Variants in SHROOM4 observed in about 807,000 individuals in gnomAD.
SHROOM4 encodes shroom family member 4.
In SHROOM4, 17 loss-of-function variants were observed where a neutral mutation model predicts 80.3. The observed-to-expected ratio is 0.21, with a 90% CI of 0.14 to 0.32. The LOEUF (loss-of-function observed/expected upper bound fraction) is 0.32, where lower values mean the gene tolerates loss of function less well. Among genes scored for constraint, SHROOM4 ranks in the 10% least tolerant of loss-of-function variants. SHROOM4 has a pLI of 1.00. For missense variants in SHROOM4, 993 were observed against 1,140.3 expected, an observed-to-expected ratio of 0.87 and a Z score of 1.86; for synonymous variants, 400 against 437.5, an observed-to-expected ratio of 0.91 and a Z score of 1.07.
rs138450087 is a variant in SHROOM4 at position 50,741,227 on chromosome X, T to C, written c.118-45290A>G. ...CCGGCTCTCACTTATATGTGGAATCTAAAAACTTGAATTCATAGAAATAGA... is the reference window on the plus strand; with the variant it reads ...CCGGCTCTCACTTATATGTGGAATCCAAAAACTTGAATTCATAGAAATAGA... On this transcript the variant is annotated intron_variant, in intron 1 of 8. Coordinates refer to ENST00000376020, the MANE Select transcript of SHROOM4 (RefSeq NM_020717.5). Among the ~76,000 whole-genome samples the C allele has an allele frequency of 6.1e-3, 670 of 110,662 alleles. 4 individuals carry two copies. Among genetic ancestry groups the C allele is most frequent in the African/African-American group, 0.021 (632 of 30,494 alleles).
intron 1 of SHROOM4, among the ~76,000 whole-genome samples, chrX:50,789,879 A>C (rs1935820637): frequency 8.9e-6 from 1 of 112,208 alleles, no homozygotes; most frequent in African/African-American, 3.2e-5. Context: ...ATGTGTCATA[A>C]GGTGATTTCA....
Position 50,674,600 on chromosome X carries a change from T to A in SHROOM4, c.269+21186A>T, listed in dbSNP as rs181780237. On this transcript the variant is annotated intron_variant, in intron 2 of 8. Transcript: ENST00000376020. ...CTCAGAATGGATCATAGACTTAATG[T>A]AGAGGTAATGTAAATGTAAAACTAT... Among the ~76,000 whole-genome samples the A allele has an allele frequency of 3.7e-3, 416 of 111,778 alleles. 2 individuals are homozygous for A. Among genetic ancestry groups the A allele is most frequent in the African/African-American group, 0.012 (385 of 30,806 alleles).
At chrX:50,678,542 G>T (rs914571245) in intron 2 of SHROOM4, among the ~76,000 whole-genome samples, 7 of 111,027 alleles carry the variant, frequency 6.3e-5, no homozygotes, top group African/African-American at 2.3e-4. Context: ...TTGGGCAGTG[G>T]GGCAGGTGTC....
chrX:50,786,063 A>T (rs1033905788), intron 1 of SHROOM4, among the ~76,000 whole-genome samples: 3 of 111,721 alleles, frequency 2.7e-5, no homozygotes, highest in African/African-American at 6.5e-5. Context: ...CTGTACGATG[A>T]GACTACCACA....
At chrX:50,764,262 T>C (rs1310377663) in intron 1 of SHROOM4, among the ~76,000 whole-genome samples, 3 of 111,124 alleles carry the variant, frequency 2.7e-5, no homozygotes, top group Non-Finnish European at 3.8e-5. Context: ...TTTTGATCTG[T>C]ACCTCCTGGT....
At chrX:50,785,777 A>G (rs1935726913) in intron 1 of SHROOM4, among the ~76,000 whole-genome samples, 1 of 111,555 alleles carries the variant, frequency 9.0e-6, no homozygotes, top group Non-Finnish European at 1.9e-5. Flanking sequence ...ATCAATTTAT[A>G]TACGTATTTA....
At chrX:50,667,484 A>G (rs1345454607) in intron 2 of SHROOM4, among the ~76,000 whole-genome samples, 5 of 111,198 alleles carry the variant, frequency 4.5e-5, no homozygotes, top group African/African-American at 1.6e-4. Flanking sequence ...TTCTGGGAAA[A>G]TGGAGATGAA....
intron 1 of SHROOM4, among the ~76,000 whole-genome samples, chrX:50,812,141 C>T (rs1441276855): frequency 9.3e-6 from 1 of 107,945 alleles, no homozygotes; most frequent in East Asian, 2.9e-4. Flanking sequence ...TCTAGGCAGA[C>T]TGTGGAAATT....
intron 1 of SHROOM4, among the ~76,000 whole-genome samples, chrX:50,744,696 T>C (rs1014278411): frequency 2.7e-5 from 3 of 112,114 alleles, no homozygotes; most frequent in African/African-American, 9.7e-5. Flanking sequence ...TTTGACATTT[T>C]AAATAATGTA....
At chrX:50,813,173 G>GGCGGCGGCGGCGGCA (rs1247399617) in intron 1 of SHROOM4, among the ~76,000 whole-genome samples, 1 of 108,567 alleles carries the variant, frequency 9.2e-6, no homozygotes, top group Admixed American at 9.7e-5. Flanking sequence ...CGGCGGCGGC[G>GGCGGCGGCGGCGGCA]GCGGCGGCGG....
At chrX:50,685,403 A>G in intron 2 of SHROOM4, among the ~76,000 whole-genome samples, 1 of 112,015 alleles carries the variant, frequency 8.9e-6, no homozygotes, top group Non-Finnish European at 1.9e-5. Context: ...GAAAGCTGGG[A>G]AGAGAGATCT....
chrX:50,689,608 T>C (rs1933170715), intron 2 of SHROOM4, among the ~76,000 whole-genome samples: 2 of 111,906 alleles, frequency 1.8e-5, no homozygotes, highest in South Asian at 7.4e-4. Flanking sequence ...ACGAATGACA[T>C]AAATTTCTCC....
At chrX:50,722,235 C>T (rs1934129949) in intron 1 of SHROOM4, among the ~76,000 whole-genome samples, 1 of 108,760 alleles carries the variant, frequency 9.2e-6, no homozygotes, top group Non-Finnish European at 1.9e-5. Flanking sequence ...CTAGAGATGT[C>T]CAGAGGAAGG....
intron 7 of SHROOM4, among the ~76,000 whole-genome samples, chrX:50,598,888 C>T (rs1929255026): frequency 9.0e-6 from 1 of 110,860 alleles, no homozygotes; most frequent in Non-Finnish European, 1.9e-5. Flanking sequence ...TGCAGTGGCA[C>T]GATCTCAGCT....
chrX:50,708,158 G>A (rs147102795), intron 1 of SHROOM4, among the ~76,000 whole-genome samples: 74 of 112,381 alleles, frequency 6.6e-4, no homozygotes, highest in African/African-American at 1.8e-3. Flanking sequence ...CAAAGGCCAA[G>A]TGAACAAAGG....
At chrX:50,786,049 A>C (rs1257460849) in intron 1 of SHROOM4, among the ~76,000 whole-genome samples, 4 of 111,179 alleles carry the variant, frequency 3.6e-5, no homozygotes, top group African/African-American at 1.3e-4. Flanking sequence ...TACATAAGAG[A>C]CTCCTGTACG....
intron 1 of SHROOM4, among the ~76,000 whole-genome samples, chrX:50,709,146 G>A (rs1003086875): frequency 5.4e-5 from 6 of 111,013 alleles, no homozygotes; most frequent in Non-Finnish European, 1.1e-4. Context: ...TCTGTAACAC[G>A]GTCACTGGGA....
At chrX:50,780,267 G>A (rs1935597658) in intron 1 of SHROOM4, among the ~76,000 whole-genome samples, 2 of 111,457 alleles carry the variant, frequency 1.8e-5, no homozygotes, top group African/African-American at 3.3e-5. Flanking sequence ...TAAGAAAGTA[G>A]GGAAAAAGGA....
Position 50,688,871 on chromosome X carries a change from C to T in SHROOM4, c.269+6915G>A, listed in dbSNP as rs1933151143. Reference sequence around the variant, plus strand: ...TGGTTTTCTTGATAGTTATATTTTTCGTGGTCACTTAAATTGGCATATGAC... The same window carrying T: ...TGGTTTTCTTGATAGTTATATTTTTTGTGGTCACTTAAATTGGCATATGAC... On this transcript the variant is annotated intron_variant, in intron 2 of 8. Transcript: ENST00000376020. 5.5e-5 allele frequency among the ~76,000 whole-genome samples: 6 copies of T among 109,464 alleles called. No homozygotes were observed. In the Admixed American group the frequency reaches 5.8e-4, roughly 11 times the overall value.
Sources: gnomAD v4.1 joint callset for allele counts (sites outside exome capture counted in the v4.1 genomes callset) on GRCh38, gnomAD v4.1.1 for gene constraint, MANE v1.5 for transcripts, NCBI Gene and HGNC (gene_info 2026-07-23, HGNC 2026-07-21) for gene names.